The following MAST3 variants were observed in gnomAD, a reference collection of about 807,000 sequenced individuals.
MAST3 encodes microtubule-associated serine/threonine-protein kinase 3.
MAST3 carries 43 observed loss-of-function variants against 127.0 expected under a neutral mutation model. That is an observed-to-expected ratio of 0.34 (90% CI 0.27 to 0.44). The LOEUF is 0.44. Ranked by LOEUF, MAST3 falls within the 20% of genes least tolerant of loss-of-function variation. The pLI is 1.00. For missense variants in MAST3, 1,390 were observed against 1,919.1 expected, an observed-to-expected ratio of 0.72 and a Z score of 5.15; for synonymous variants, 785 against 809.2, an observed-to-expected ratio of 0.97 and a Z score of 0.51.
chr19:18,108,237 C>T (rs1599667732), intron 2 of MAST3, among the ~76,000 whole-genome samples: 2 of 152,000 alleles, frequency 1.3e-5, no homozygotes, highest in Middle Eastern at 3.4e-3. Flanking sequence ...TTGCAGTGAA[C>T]CAGGCTCCCA....
chr19:18,145,124 C>T lies in MAST3; in HGVS notation c.2934C>T (p.Pro978=), dbSNP rs1334960188. The change falls in exon 24 of 28, where the codon CCC becomes CCT. Residue 978 remains proline, a synonymous_variant. Coordinates refer to ENST00000687212, the MANE Select transcript of MAST3 (RefSeq NM_001393504.1). This position sits in a 1 kb window ranked among gnomAD's most constrained non-coding sequence, Gnocchi z 5.9. ...DPSPVCGSLR[P]PIVIHSSGKK... Reference sequence around the variant, plus strand: ...CCCCCGTGTGTGGCAGCCTGCGGCCCCCCATCGTTATCCACAGCTCTGGCA... The same window carrying T: ...CCCCCGTGTGTGGCAGCCTGCGGCCTCCCATCGTTATCCACAGCTCTGGCA... 1 of 1,613,908 alleles carries T rather than the reference C, an allele frequency of 6.2e-7. No individual in the cohort carries two copies. The highest frequency in any genetic ancestry group is 8.5e-7 in the Non-Finnish European group (1 of 1,179,882).
At chr19:18,104,403 C>T (rs1475030873) in intron 1 of MAST3, among the ~76,000 whole-genome samples, 1 of 151,844 alleles carries the variant, frequency 6.6e-6, no homozygotes, top group East Asian at 1.9e-4. Flanking sequence ...GCTTGGTTTT[C>T]TGAGCGCAGA....
intron 11 of MAST3, 59 bp downstream of exon 11, chr19:18,124,833 C>A: frequency 6.5e-7 from 1 of 1,527,816 alleles, no homozygotes. Context: ...AGGCCAGGCA[C>A]GGTGGCTCAC....
chr19:18,143,088 G>C (rs2042677649), intron 21 of MAST3, among the ~76,000 whole-genome samples: 1 of 149,962 alleles, frequency 6.7e-6, no homozygotes, highest in Non-Finnish European at 1.5e-5. Flanking sequence ...CTCCGGCCGG[G>C]GTGACAGAGC....
In MAST3 at chr19:18,144,847, T is replaced by C. The variant is rs1382869528; in HGVS notation, c.2812+154T>C. Among the ~76,000 whole-genome samples the C allele has an allele frequency of 6.6e-6, 1 of 151,988 alleles. No individual in the cohort carries two copies. ...AGAGCTGGGGAGATGGTGTTCCCAG[T>C]AGAGGGCACTGCACGTGCAAAGGCC... On this transcript the variant is annotated intron_variant, in intron 23 of 27. Transcript: ENST00000687212. This position sits in a 1 kb window ranked among gnomAD's most constrained non-coding sequence, Gnocchi z 4.0.
intron 1 of MAST3, among the ~76,000 whole-genome samples, chr19:18,103,792 C>T (rs1568544638): frequency 2.0e-5 from 3 of 152,068 alleles, no homozygotes. Context: ...AGTGGGGGAG[C>T]CAGACTGGGA....
At chr19:18,115,533 G>T (rs538493479) in intron 3 of MAST3, among the ~76,000 whole-genome samples, 1 of 152,058 alleles carries the variant, frequency 6.6e-6, no homozygotes, top group Admixed American at 6.5e-5. Context: ...TCTGCACCCC[G>T]CATGAGGCTT....
intron 3 of MAST3, among the ~76,000 whole-genome samples, chr19:18,115,398 G>A (rs1364978674): frequency 6.6e-6 from 1 of 152,004 alleles, no homozygotes; most frequent in East Asian, 1.9e-4. Context: ...TGGGGACGAG[G>A]GGGCAGCGCC....
intron 12 of MAST3, 139 bp from the exon 13 acceptor site, chr19:18,128,727 G>T: frequency 2.8e-6 from 2 of 711,808 alleles, no homozygotes; most frequent in Non-Finnish European, 4.7e-6. Context: ...AGTACAGAAA[G>T]TCAGAAGCTG....
chr19:18,139,068 G>A lies in MAST3; in HGVS notation c.2149G>A (p.Glu717Lys), dbSNP rs1481024703. 1 of 1,605,176 alleles carries A rather than the reference G, an allele frequency of 6.2e-7. No individual in the cohort carries two copies. The highest frequency in any genetic ancestry group is 1.3e-5 in the African/African-American group (1 of 74,826). ...CTCCGAGGACGACGAGACCAATGAT[G>A]AAGAATCGTCCACAGAGATCCCCCA... ...LGSEDDETNDEESSTEIPQFS... is the reference protein window; with the variant it reads ...LGSEDDETNDKESSTEIPQFS... Residue 717 changes from glutamate to lysine, a missense_variant, in exon 20 of 28, where the codon GAA becomes AAA. Transcript: ENST00000687212.
chr19:18,118,527 C>T (rs1483137167), intron 3 of MAST3, among the ~76,000 whole-genome samples: 1 of 152,158 alleles, frequency 6.6e-6, no homozygotes, highest in Admixed American at 6.5e-5. Flanking sequence ...AGGATTTGAA[C>T]CCGGGTGTCC....
rs774842710 is a variant in MAST3, at chr19:18,143,953, C to G, written c.2530C>G (p.Pro844Ala). The change falls in exon 22 of 28, where the codon CCT becomes GCT. Residue 844 changes from proline to alanine, a missense_variant. Coordinates refer to ENST00000687212, the MANE Select transcript of MAST3 (RefSeq NM_001393504.1). ...PKRPVFILGE[P>A]DPPPAATPVM... ...GAGGCCCGTCTTCATTCTAGGGGAGCCTGACCCCCCACCAGCGGCCACCCC... is the reference window on the plus strand; with the variant it reads ...GAGGCCCGTCTTCATTCTAGGGGAGGCTGACCCCCCACCAGCGGCCACCCC... 70 of 1,605,182 alleles carry G rather than the reference C, an allele frequency of 4.4e-5. No individual in the cohort carries two copies. The Middle Eastern group carries it at 4.9e-4, about 11-fold the overall frequency.
At position 18,149,310 on chromosome 19, in the gene MAST3, C is replaced by T. The variant is rs552781798; in HGVS notation, c.3628C>T (p.Arg1210Cys). ...CCTGGCTGCCAAGCTTGGGCCACCC[C>T]GCCCCAAGACTGGCCGCCGCAAGTC... The part of the protein sequence containing the change: ...HGLAAKLGPP[R>C]PKTGRRKSTS... Residue 1210 changes from arginine (R) to cysteine (C), a missense_variant, in exon 28 of 28, where the codon CGC becomes TGC. Physicochemically the swap from Arg to Cys is radical, Grantham distance 180 (BLOSUM62 -3). Transcript: ENST00000687212. The surrounding 1 kb of genome is among the most constrained non-coding windows in gnomAD (Gnocchi z 5.9). The T allele has an allele frequency of 2.3e-5, 35 of 1,529,586 alleles. No homozygotes were observed. Among genetic ancestry groups the T allele is most frequent in the African/African-American group, 5.7e-5 (4 of 70,522 alleles). The allele number at this position is 1,529,586 out of a possible 1,614,324, so 94.8% of individuals were successfully genotyped here.
At chr19:18,136,809 TTTGTTG>T (rs35705741) in intron 18 of MAST3, among the ~76,000 whole-genome samples, 1 of 151,192 alleles carries the variant, frequency 6.6e-6, no homozygotes, top group Non-Finnish European at 1.5e-5. Context: ...TTTCTGGTTC[TTTGTTG>T]TTGTTGTTGT....
At chr19:18,122,994 C>T (rs571776537) in intron 6 of MAST3, among the ~76,000 whole-genome samples, 1 of 152,328 alleles carries the variant, frequency 6.6e-6, no homozygotes, top group South Asian at 2.1e-4. Flanking sequence ...AGGGCCTGAC[C>T]AGAGGGGGAC....
Position 18,144,138 on chromosome 19 carries a change from G to A in MAST3, c.2584+131G>A. 2 of 1,310,938 alleles carry A rather than the reference G, an allele frequency of 1.5e-6. No homozygotes were observed. Among genetic ancestry groups the A allele is most frequent in the East Asian group, 2.5e-5 (1 of 39,730 alleles). 81.2% of individuals were successfully genotyped at this position (1,310,938 alleles called of 1,614,324 possible). On this transcript the variant is annotated intron_variant, in intron 22 of 27. Coordinates refer to ENST00000687212, the MANE Select transcript of MAST3 (RefSeq NM_001393504.1). The surrounding 1 kb of genome is among the most constrained non-coding windows in gnomAD (Gnocchi z 4.0). ...AAAGGCTTTAAGAGAGGAGAAGCCA[G>A]GGTCCCAGAGAGACCCCCAGCCCCC...
chr19:18,123,294 G>A lies in MAST3; in HGVS notation c.477G>A (p.Lys159=), dbSNP rs751795162. ...PTPDELHFLS[K]HFRSSENVLD... ...CGGACGAGCTGCACTTCCTGTCCAAGCACTTCCGCAGCTCAGAGAATGTGC... is the reference window on the plus strand; with the variant it reads ...CGGACGAGCTGCACTTCCTGTCCAAACACTTCCGCAGCTCAGAGAATGTGC... The change falls in exon 7 of 28, where the codon AAG becomes AAA. Residue 159 remains lysine, a synonymous_variant. Transcript: ENST00000687212. 6.2e-7 allele frequency: 1 copy of A among 1,613,844 alleles called. No homozygotes were observed. The highest frequency in any genetic ancestry group is 8.5e-7 in the Non-Finnish European group (1 of 1,179,874).
Position 18,144,226 on chromosome 19 carries a change from C to T in MAST3, c.2584+219C>T, listed in dbSNP as rs565998984. Among the ~76,000 whole-genome samples the T allele has an allele frequency of 1.3e-5, 2 of 152,204 alleles. No homozygotes were observed. Among genetic ancestry groups the T allele is most frequent in the South Asian group, 2.1e-4 (1 of 4,824 alleles). On this transcript the variant is annotated intron_variant, in intron 22 of 27. Transcript: ENST00000687212. The surrounding 1 kb of genome is among the most constrained non-coding windows in gnomAD (Gnocchi z 4.0). Reference sequence around the variant, plus strand: ...TAGAGTCAGGATGGGACCCCTAGCTCCCAAGATGGGGGAACTAAGGGTCTA... The same window carrying T: ...TAGAGTCAGGATGGGACCCCTAGCTTCCAAGATGGGGGAACTAAGGGTCTA...
In MAST3 at chr19:18,150,666, C is replaced by G. The variant is rs1251662692; in HGVS notation, c.*940C>G. ...CTTCCCACCATCATAGCTGCCATGC[C>G]CAGGCAGTGCCTGCTCTATATATAG... is the stretch of plus-strand genomic sequence containing the variant. On this transcript the variant is annotated 3_prime_UTR_variant, in exon 28 of 28. Transcript: ENST00000687212. 6.6e-6 allele frequency: 1 copy of G among 152,294 alleles called. No individual in the cohort carries two copies. Among genetic ancestry groups the G allele is most frequent in the Non-Finnish European group, 1.5e-5 (1 of 68,092 alleles). The allele number at this position is 152,294 out of a possible 1,614,324, so 9.4% of individuals were successfully genotyped here.
Sources: gnomAD v4.1 joint callset for allele counts (sites outside exome capture counted in the v4.1 genomes callset) on GRCh38, gnomAD v4.1.1 for gene constraint, Gnocchi (gnomAD v3.1) non-coding constraint, MANE v1.5 for transcripts, NCBI Gene and HGNC (gene_info 2026-07-23, HGNC 2026-07-21) for gene names.